The following MGAT4A variants were observed in gnomAD, a reference collection of about 807,000 sequenced individuals.
The protein encoded by MGAT4A is N-acetylglucosaminyltransferase IVa.
MGAT4A carries 33 observed loss-of-function variants against 74.1 expected under a neutral mutation model. The ratio of observed to expected loss-of-function variants is 0.45; its 90% CI spans 0.34 to 0.60. The LOEUF (loss-of-function observed/expected upper bound fraction) is 0.60. MGAT4A is among the 20% of genes least tolerant of loss of function. MGAT4A has a pLI of 0.02. For synonymous variants in MGAT4A, 198 were observed against 210.4 expected, an observed-to-expected ratio of 0.94 and a Z score of 0.51; for missense variants, 479 against 628.3, an observed-to-expected ratio of 0.76 and a Z score of 2.54.
intron 8 of MGAT4A, among the ~76,000 whole-genome samples, chr2:98,647,627 G>A (rs1009191048): frequency 6.6e-6 from 1 of 152,088 alleles, no homozygotes; most frequent in Admixed American, 6.5e-5. Context: ...CCCATAACGC[G>A]CTTTCTTATG....
At position 98,696,047 on chromosome 2, in the gene MGAT4A, A is replaced by C. The variant is rs148181586; in HGVS notation, c.95-17576T>G. 2.4e-3 allele frequency among the ~76,000 whole-genome samples: 368 copies of C among 151,622 alleles called. 2 individuals carry two copies. The highest frequency in any genetic ancestry group is 8.5e-3 in the African/African-American group (353 of 41,306). ...CAGGCATGCACCACCATGCCTGCCT[A>C]ATTTTTCTATTTTTTGTAGAGATGG... On this transcript the variant is annotated intron_variant, in intron 2 of 15. Transcript: ENST00000393487.
chr2:98,660,254 C>T lies in MGAT4A; in HGVS notation c.538-1990G>A, dbSNP rs1019850745. 9.9e-5 allele frequency among the ~76,000 whole-genome samples: 5 copies of T among 50,620 alleles called. No individual in the cohort carries two copies. In the African/African-American group the frequency reaches 1.0e-3, roughly 10 times the overall value. The allele number at this position is 50,620 out of a possible 152,430, so 33.2% of individuals were successfully genotyped here. On this transcript the variant is annotated intron_variant, in intron 5 of 15. Coordinates refer to ENST00000393487, the MANE Select transcript of MGAT4A (RefSeq NM_012214.3). ...ACACACAAATAAATAGATATCTTTG[C>T]TCATGGATTGGAAGAATTAATATCA...
intron 2 of MGAT4A, among the ~76,000 whole-genome samples, chr2:98,709,476 T>C (rs190985047): frequency 3.3e-5 from 5 of 152,128 alleles, no homozygotes; most frequent in African/African-American, 9.6e-5. Flanking sequence ...GATAAATGCA[T>C]ATTATGAGGC....
intron 14 of MGAT4A, among the ~76,000 whole-genome samples, chr2:98,627,379 C>T (rs1029350586): frequency 2.7e-5 from 4 of 149,796 alleles, no homozygotes; most frequent in African/African-American, 4.9e-5. Context: ...AACTAGTTTT[C>T]TTTTTTTTTT....
chr2:98,624,393 T>A lies in MGAT4A; in HGVS notation c.*1173A>T. On this transcript the variant is annotated 3_prime_UTR_variant, in exon 16 of 16. Coordinates refer to ENST00000393487, the MANE Select transcript of MGAT4A (RefSeq NM_012214.3). ...TAATATTCTTTGTTTATAGTAGTAA[T>A]ATCATTTGGAATAGCGTGTTTAAGA... is the stretch of plus-strand genomic sequence containing the variant. 1.0e-6 allele frequency: 1 copy of A among 953,206 alleles called. No individual in the cohort carries two copies. The highest frequency in any genetic ancestry group is 1.2e-6 in the Non-Finnish European group (1 of 800,682). 59.0% of individuals were successfully genotyped at this position (953,206 alleles called of 1,614,324 possible). A position where few individuals can be genotyped will look rare whatever the true frequency, so the allele number is the denominator to read the frequency against.
intron 4 of MGAT4A, among the ~76,000 whole-genome samples, chr2:98,666,772 T>C (rs531898456): frequency 1.3e-5 from 2 of 152,092 alleles, no homozygotes; most frequent in Non-Finnish European, 2.9e-5. Flanking sequence ...GTACAAAGAC[T>C]TCACTATGAT....
At chr2:98,638,582 A>G (rs1260687718) in intron 12 of MGAT4A, among the ~76,000 whole-genome samples, 1 of 152,272 alleles carries the variant, frequency 6.6e-6, no homozygotes, top group African/African-American at 2.4e-5. Context: ...GGTAAACAAT[A>G]TCTCAAAGTG....
In MGAT4A at chr2:98,624,646, C is replaced by T; in HGVS notation, c.*920G>A. On this transcript the variant is annotated 3_prime_UTR_variant, in exon 16 of 16. Transcript: ENST00000393487. ...AAAGAATCAACAGCAGATAATGCAC[C>T]TAATTCATGGATTAAAGACAAAGAT... The T allele has an allele frequency of 1.0e-6, 1 of 983,016 alleles. No homozygotes were observed. The highest frequency in any genetic ancestry group is 6.2e-5 in the Admixed American group (1 of 16,254). 60.9% of individuals were successfully genotyped at this position (983,016 alleles called of 1,614,324 possible). A position where few individuals can be genotyped will look rare whatever the true frequency, so the allele number is the denominator to read the frequency against.
rs1450781728 is a variant in MGAT4A at position 98,619,768 on chromosome 2, A to G, written c.*5798T>C. 2.0e-5 allele frequency: 3 copies of G among 152,258 alleles called. No individual in the cohort carries two copies. Among genetic ancestry groups the G allele is most frequent in the Admixed American group, 6.5e-5 (1 of 15,284 alleles). 9.4% of individuals were successfully genotyped at this position (152,258 alleles called of 1,614,324 possible). On this transcript the variant is annotated 3_prime_UTR_variant, in exon 16 of 16. Transcript: ENST00000393487. ...AGTACCAAACCCTTGGTTCCAGGAC[A>G]GTTTGCTAATTACTAATACAATGAA...
At position 98,621,389 on chromosome 2, in the gene MGAT4A, C is replaced by G. The variant is rs1454248526; in HGVS notation, c.*4177G>C. 3.2e-6 allele frequency: 5 copies of G among 1,549,200 alleles called. No individual in the cohort carries two copies. The Admixed American group carries it at 9.8e-5, about 31-fold the overall frequency. ...TGTTAGCCAAGGCCTCTCTCAGCTC[C>G]TCAAAGCCATGTGCATTCCTTCTCA... is the stretch of plus-strand genomic sequence containing the variant. On this transcript the variant is annotated 3_prime_UTR_variant, in exon 16 of 16. Coordinates refer to ENST00000393487, the MANE Select transcript of MGAT4A (RefSeq NM_012214.3).
rs1702010189 is a variant in MGAT4A, at chr2:98,678,368, C to G, written c.198G>C (p.Val66=). The G allele has an allele frequency of 6.3e-7, 1 of 1,576,200 alleles. No homozygotes were observed. The change falls in exon 3 of 16, where the codon GTG becomes GTC. Residue 66 remains valine, a synonymous_variant. Coordinates refer to ENST00000393487, the MANE Select transcript of MGAT4A (RefSeq NM_012214.3). ...SQRSSELNTI[V]QQFKRVGAET... The stretch of plus-strand genomic sequence containing the variant: ...CTGCTCCTACACGCTTGAACTGTTG[C>G]ACAATCGTATTTAATTCAGAAGAGC...
At chr2:98,651,891 G>A (rs928371476) in intron 8 of MGAT4A, among the ~76,000 whole-genome samples, 5 of 152,022 alleles carry the variant, frequency 3.3e-5, no homozygotes, top group African/African-American at 4.8e-5. Flanking sequence ...ATGAAATCCA[G>A]AACTGAAAGA....
intron 13 of MGAT4A, among the ~76,000 whole-genome samples, chr2:98,636,148 A>G (rs1575242968): frequency 6.6e-6 from 1 of 151,824 alleles, no homozygotes; most frequent in East Asian, 2.0e-4. Context: ...GCATGCCACG[A>G]TTCCTGGCTA....
intron 2 of MGAT4A, among the ~76,000 whole-genome samples, chr2:98,703,934 C>T (rs1371675700): frequency 6.6e-6 from 1 of 152,174 alleles, no homozygotes; most frequent in African/African-American, 2.4e-5. Flanking sequence ...AGCCGTCATT[C>T]CCACCTCAGT....
intron 11 of MGAT4A, 34 bp downstream of exon 11, chr2:98,640,087 T>C (rs745686423): frequency 1.0e-5 from 16 of 1,577,256 alleles, no homozygotes; most frequent in Admixed American, 1.8e-5. Flanking sequence ...TAACAAGTTG[T>C]ATGTTCATGA....
intron 10 of MGAT4A, among the ~76,000 whole-genome samples, chr2:98,642,292 T>C (rs1203735427): frequency 6.6e-6 from 1 of 151,720 alleles, no homozygotes; most frequent in African/African-American, 2.4e-5. Context: ...CCAGTGGCAA[T>C]GGAAGGACTC....
At chr2:98,671,959 A>AG (rs1176077273) in intron 4 of MGAT4A, among the ~76,000 whole-genome samples, 1 of 149,188 alleles carries the variant, frequency 6.7e-6, no homozygotes, top group African/African-American at 2.5e-5. Flanking sequence ...AAAAAAAAAA[A>AG]AAAAAAAAAA....
intron 12 of MGAT4A, 78 bp downstream of exon 12, chr2:98,639,730 C>A (rs1000613353): frequency 1.9e-5 from 26 of 1,350,110 alleles, no homozygotes; most frequent in Middle Eastern, 1.9e-4. Context: ...CAGGCACACA[C>A]ACAAAAATCT....
At chr2:98,707,642 C>G (rs1053564043) in intron 2 of MGAT4A, among the ~76,000 whole-genome samples, 5 of 152,148 alleles carry the variant, frequency 3.3e-5, no homozygotes, top group Admixed American at 1.3e-4. Flanking sequence ...AATGACCCTC[C>G]CAAGATGAAA....
Sources: gnomAD v4.1 joint callset for allele counts (sites outside exome capture counted in the v4.1 genomes callset) on GRCh38, gnomAD v4.1.1 for gene constraint, MANE v1.5 for transcripts, NCBI Gene and HGNC (gene_info 2026-07-23, HGNC 2026-07-21) for gene names.